Variants in SKAP1 observed in about 807,000 individuals in gnomAD.
SKAP1 encodes src kinase associated phosphoprotein 1, also known as src kinase-associated phosphoprotein 1.
Under a neutral mutation model 58.5 loss-of-function variants are expected in SKAP1, and 44 were observed. The ratio of observed to expected loss-of-function variants is 0.75; its 90% CI spans 0.59 to 0.97. The LOEUF (loss-of-function observed/expected upper bound fraction) is 0.97, where lower values mean the gene tolerates loss of function less well. Among genes scored for constraint, SKAP1 ranks in the 50% least tolerant of loss-of-function variants. The pLI is 0.00. For synonymous variants in SKAP1, 127 were observed against 149.7 expected, an observed-to-expected ratio of 0.85 and a Z score of 1.11; for missense variants, 390 against 435.2, an observed-to-expected ratio of 0.90 and a Z score of 0.92.
At chr17:48,160,717 C>G (rs903639626) in intron 11 of SKAP1, among the ~76,000 whole-genome samples, 1 of 152,206 alleles carries the variant, frequency 6.6e-6, no homozygotes, top group Non-Finnish European at 1.5e-5. Flanking sequence ...TGTTCTTCCC[C>G]CCTCCTGCTG....
intron 1 of SKAP1, among the ~76,000 whole-genome samples, chr17:48,424,814 C>G (rs1321830021): frequency 2.0e-5 from 3 of 151,354 alleles, no homozygotes; most frequent in African/African-American, 7.3e-5. Flanking sequence ...GGCCTGTAGT[C>G]CCAGCTACTC....
At chr17:48,385,162 G>T (rs1293088077) in intron 2 of SKAP1, among the ~76,000 whole-genome samples, 1 of 152,134 alleles carries the variant, frequency 6.6e-6, no homozygotes, top group Non-Finnish European at 1.5e-5. Context: ...GTAGCACCTG[G>T]CTGTGGCAAT....
rs187738782 is a variant in SKAP1 at position 48,275,246 on chromosome 17, T to C, written c.280+70659A>G. 9.8e-4 allele frequency among the ~76,000 whole-genome samples: 150 copies of C among 152,338 alleles called. 1 individual carries two copies. The highest frequency in any genetic ancestry group is 1.5e-3 in the Admixed American group (23 of 15,294). Reference sequence around the variant, plus strand: ...CGAATGTACCCAGTGACCTGCTAATTGTCAATCCCAATGACCTCTTCTTAG... The same window carrying C: ...CGAATGTACCCAGTGACCTGCTAATCGTCAATCCCAATGACCTCTTCTTAG... On this transcript the variant is annotated intron_variant, in intron 4 of 12. Coordinates refer to ENST00000336915, the MANE Select transcript of SKAP1 (RefSeq NM_003726.4).
intron 2 of SKAP1, among the ~76,000 whole-genome samples, chr17:48,391,446 T>G (rs1471996840): frequency 2.6e-5 from 4 of 152,214 alleles, no homozygotes; most frequent in Admixed American, 1.3e-4. Context: ...CTTTCTCACC[T>G]GTAGGGCATT....
chr17:48,287,113 A>G (rs1165987243), intron 4 of SKAP1, among the ~76,000 whole-genome samples: 3 of 151,122 alleles, frequency 2.0e-5, no homozygotes, highest in Non-Finnish European at 4.4e-5. Flanking sequence ...AAATAAATAA[A>G]TAAATAAATA....
intron 10 of SKAP1, among the ~76,000 whole-genome samples, chr17:48,164,333 A>C (rs532745386): frequency 9.2e-5 from 14 of 152,350 alleles, no homozygotes; most frequent in African/African-American, 3.4e-4. Context: ...ATTTTTGTAA[A>C]AATAGATTCT....
upstream of SKAP1, among the ~76,000 whole-genome samples, chr17:48,432,410 C>T (rs1216171909): frequency 6.6e-6 from 1 of 150,986 alleles, no homozygotes; most frequent in East Asian, 2.0e-4. Context: ...GCCTGGGTGA[C>T]AGGGCAAGAC....
chr17:48,288,773 G>A (rs9906193), intron 4 of SKAP1, among the ~76,000 whole-genome samples: 50,133 of 152,096 alleles, frequency 0.33, 8,982 homozygotes, highest in African/African-American at 0.47. Flanking sequence ...TATCATAACC[G>A]TGTCTACCTA....
chr17:48,258,637 C>T (rs1289904808), intron 4 of SKAP1, among the ~76,000 whole-genome samples: 1 of 152,068 alleles, frequency 6.6e-6, no homozygotes, highest in African/African-American at 2.4e-5. Flanking sequence ...AATCAGATTA[C>T]ATTAGAAGTT....
Position 48,190,200 on chromosome 17 carries a change from G to A in SKAP1, c.281-700C>T, listed in dbSNP as rs556833616. Among the ~76,000 whole-genome samples the A allele has an allele frequency of 8.7e-5, 13 of 149,528 alleles. No homozygotes were observed. The South Asian group carries it at 1.9e-3, about 22-fold the overall frequency. On this transcript the variant is annotated intron_variant, in intron 4 of 12. Coordinates refer to ENST00000336915, the MANE Select transcript of SKAP1 (RefSeq NM_003726.4). ...TGGCTCACTGCAAGCTCCATCTCCC[G>A]GGCTCATGCCATTCTCCTGCCTCAG...
chr17:48,428,022 C>T (rs545744937), intron 1 of SKAP1, among the ~76,000 whole-genome samples: 26 of 152,282 alleles, frequency 1.7e-4, no homozygotes, highest in Non-Finnish European at 3.2e-4. Flanking sequence ...CTGGTCTACA[C>T]CAGCGACTGT....
At chr17:48,140,423 C>G (rs927001501) in intron 11 of SKAP1, among the ~76,000 whole-genome samples, 1 of 152,006 alleles carries the variant, frequency 6.6e-6, no homozygotes, top group African/African-American at 2.4e-5. Context: ...GGTTGTTTTC[C>G]AGGGTTCTGT....
chr17:48,435,910 A>G, the SKAP1 span, among the ~76,000 whole-genome samples: 1 of 152,272 alleles, frequency 6.6e-6, no homozygotes, highest in South Asian at 2.1e-4. Flanking sequence ...AGACAGAAAC[A>G]CTAGAGTCAG....
In SKAP1 at chr17:48,297,861, C is replaced by T. The variant is rs546380760; in HGVS notation, c.280+48044G>A. Among the ~76,000 whole-genome samples, 47 of 152,264 alleles carry T rather than the reference C, an allele frequency of 3.1e-4. No individual in the cohort carries two copies. The South Asian group carries it at 8.1e-3, about 26-fold the overall frequency. On this transcript the variant is annotated intron_variant, in intron 4 of 12. Coordinates refer to ENST00000336915, the MANE Select transcript of SKAP1 (RefSeq NM_003726.4). ...GGCTGGCTTCAGAAATTTTGGCAGT[C>T]GCAGTCTTACTTAAGCCAAACCACT...
At chr17:48,204,795 A>C (rs2064772250) in intron 4 of SKAP1, among the ~76,000 whole-genome samples, 1 of 151,902 alleles carries the variant, frequency 6.6e-6, no homozygotes, top group Non-Finnish European at 1.5e-5. Context: ...TGAAAGGAGG[A>C]ACAAGAATAG....
intron 4 of SKAP1, among the ~76,000 whole-genome samples, chr17:48,214,518 C>T (rs1008156891): frequency 3.9e-5 from 6 of 152,166 alleles, no homozygotes; most frequent in East Asian, 1.9e-4. Flanking sequence ...AAGCAATCTA[C>T]CCACCTTGGC....
chr17:48,425,345 C>T (rs1434113783), intron 1 of SKAP1, among the ~76,000 whole-genome samples: 1 of 152,024 alleles, frequency 6.6e-6, no homozygotes, highest in Non-Finnish European at 1.5e-5. Flanking sequence ...ACAAATATGT[C>T]CCAACTTTTA....
At chr17:48,189,652 G>A (rs2064510284) in intron 4 of SKAP1, 152 bp from the exon 5 acceptor site, 4 of 579,130 alleles carry the variant, frequency 6.9e-6, no homozygotes. Context: ...ATGATTGGAG[G>A]GAAAAGTAAA....
chr17:48,365,916 A>G (rs1414934697), intron 2 of SKAP1, among the ~76,000 whole-genome samples: 1 of 151,828 alleles, frequency 6.6e-6, no homozygotes, highest in Non-Finnish European at 1.5e-5. Context: ...CCCCTTCCTC[A>G]TCCCTCTTTT....
Sources: gnomAD v4.1 joint callset for allele counts (sites outside exome capture counted in the v4.1 genomes callset) on GRCh38, gnomAD v4.1.1 for gene constraint, MANE v1.5 for transcripts, NCBI Gene and HGNC (gene_info 2026-07-23, HGNC 2026-07-21) for gene names.